Variants in SHANK2 observed in about 807,000 individuals in gnomAD.
The protein encoded by SHANK2 is SH3 and multiple ankyrin repeat domains 2.
A neutral mutation model predicts 133.7 loss-of-function variants in SHANK2; 43 were observed. The ratio of observed to expected loss-of-function variants is 0.32; its 90% confidence interval spans 0.25 to 0.41. The LOEUF is 0.41. SHANK2 is among the 10% of genes least tolerant of loss of function. The pLI is 1.00. For synonymous variants in SHANK2, 1,017 were observed against 952.8 expected, an observed-to-expected ratio of 1.07 and a Z score of -1.24; for missense variants, 1,994 against 2,235.8, an observed-to-expected ratio of 0.89 and a Z score of 2.18.
chr11:71,234,810 T>C (rs1954804345), intron 1 of SHANK2, among the ~76,000 whole-genome samples: 1 of 152,158 alleles, frequency 6.6e-6, no homozygotes, highest in Admixed American at 6.5e-5. Context: ...GTGGTCCTGC[T>C]GCCCCACAGG....
At chr11:70,587,009 A>G (rs1174596628) in intron 17 of SHANK2, among the ~76,000 whole-genome samples, 4 of 152,060 alleles carry the variant, frequency 2.6e-5, no homozygotes, top group South Asian at 2.1e-4. Context: ...ACCGCTGGGC[A>G]CATGCAGGAA....
intron 24 of SHANK2, chr11:70,488,971 A>ACG (rs1555155063): frequency 6.2e-6 from 2 of 320,212 alleles, no homozygotes; most frequent in African/African-American, 4.3e-5. Flanking sequence ...GAAGCGAGAC[A>ACG]CGCACACACA....
Position 70,882,349 on chromosome 11 carries a change from G to C in SHANK2, c.1174+14152C>G, listed in dbSNP as rs1378595028. ...GGAAGGCAGGCAGAAAGGCCCCTGG[G>C]CTGTGCCTGTAGCTAGGAGCTGGGA... On this transcript the variant is annotated intron_variant, in intron 11 of 25. Transcript: ENST00000601538. This position sits in a 1 kb window ranked among gnomAD's most constrained non-coding sequence, Gnocchi z 4.2. 6.6e-6 allele frequency among the ~76,000 whole-genome samples: 1 copy of C among 152,200 alleles called. No individual in the cohort carries two copies. The highest frequency in any genetic ancestry group is 6.5e-5 in the Admixed American group (1 of 15,288).
chr11:71,086,108 TTA>T lies in SHANK2; in HGVS notation c.912+6312_912+6313del, dbSNP rs1307993628. Reference sequence around the variant, plus strand: ...ATAATATATTAAATTATATAATATATTATGTTATATAATATATTAAATTATAT... The same window carrying T: ...ATAATATATTAAATTATATAATATATTGTTATATAATATATTAAATTATAT... On this transcript the variant is annotated intron_variant, in intron 8 of 25. Transcript: ENST00000601538. Among the ~76,000 whole-genome samples, 12 of 48,010 alleles carry T rather than the reference TTA, an allele frequency of 2.5e-4. 3 individuals carry two copies. The Admixed American group carries it at 2.9e-3, about 11-fold the overall frequency. The allele number at this position is 48,010 out of a possible 152,430, so 31.5% of individuals were successfully genotyped here.
rs936039224 is a variant in SHANK2 at position 70,569,575 on chromosome 11, C to A, written c.2062-66644G>T. Among the ~76,000 whole-genome samples, 1 of 152,156 alleles carries A rather than the reference C, an allele frequency of 6.6e-6. No individual in the cohort carries two copies. The highest frequency in any genetic ancestry group is 1.5e-5 in the Non-Finnish European group (1 of 68,026). On this transcript the variant is annotated intron_variant, in intron 17 of 25. Transcript: ENST00000601538. The surrounding 1 kb of genome is among the most constrained non-coding windows in gnomAD (Gnocchi z 5.1). ...TGCCGCAGCCCTCTCCTTTCTGTGG[C>A]CCCTCCCCACGTGGAGGATACCGAG...
intron 11 of SHANK2, among the ~76,000 whole-genome samples, chr11:70,872,702 C>T (rs1949489292): frequency 6.6e-6 from 1 of 152,108 alleles, no homozygotes; most frequent in Non-Finnish European, 1.5e-5. Context: ...GGTGTATCTC[C>T]TCCACGTTCT....
intron 17 of SHANK2, among the ~76,000 whole-genome samples, chr11:70,525,234 G>A (rs2059381046): frequency 6.6e-6 from 1 of 152,206 alleles, no homozygotes; most frequent in Non-Finnish European, 1.5e-5. Flanking sequence ...CTCTTCTTCT[G>A]GGAAACACCT....
chr11:70,661,676 T>A lies in SHANK2; in HGVS notation c.1856A>T (p.Asp619Val). The change falls in exon 16 of 26, where the codon GAC becomes GTC. Residue 619 changes from aspartate to valine, a missense_variant and splice_region_variant. Coordinates refer to ENST00000601538, the MANE Select transcript of SHANK2 (RefSeq NM_012309.5). ...GSYDSFDTSSDCIIEEKTVVL... is the reference protein window; with the variant it reads ...GSYDSFDTSSVCIIEEKTVVL... The stretch of plus-strand genomic sequence containing the variant: ...CACCGTCTTCTCCTCAATAATGCAG[T>A]CACTGTAGAGAGAATTCCGGGGACA... 1 of 1,614,080 alleles carries A rather than the reference T, an allele frequency of 6.2e-7. No homozygotes were observed. The highest frequency in any genetic ancestry group is 2.2e-5 in the East Asian group (1 of 44,866).
chr11:70,867,680 C>T (rs1397183827), intron 11 of SHANK2, among the ~76,000 whole-genome samples: 7 of 152,212 alleles, frequency 4.6e-5, no homozygotes, highest in Non-Finnish European at 1.0e-4. Context: ...CAGACATCCA[C>T]GTCTCACCCC....
intron 2 of SHANK2, among the ~76,000 whole-genome samples, chr11:71,189,466 G>T (rs993191701): frequency 6.6e-6 from 1 of 152,082 alleles, no homozygotes; most frequent in East Asian, 1.9e-4. Flanking sequence ...ACACAATCAC[G>T]GCTCGCTGCA....
chr11:71,213,502 T>C (rs555708021), intron 2 of SHANK2, among the ~76,000 whole-genome samples: 124 of 152,296 alleles, frequency 8.1e-4, no homozygotes, highest in African/African-American at 2.9e-3. Flanking sequence ...AAACAGAGGT[T>C]CAAACACCAC....
intron 3 of SHANK2, among the ~76,000 whole-genome samples, chr11:71,136,475 C>T (rs1272206852): frequency 9.9e-5 from 15 of 152,256 alleles, no homozygotes; most frequent in African/African-American, 3.6e-4. Context: ...ATGATGGACA[C>T]AGGAGACTCA....
chr11:70,481,966 C>T lies in SHANK2; in HGVS notation c.4979+3348G>A, dbSNP rs1049632641. ...GTGCCCTGGCAACTCCGTCCTGGAC[C>T]CCCCCCCAGTGGTGGTTCTGACTGC... On this transcript the variant is annotated intron_variant, in intron 25 of 25. Coordinates refer to ENST00000601538, the MANE Select transcript of SHANK2 (RefSeq NM_012309.5). Among the ~76,000 whole-genome samples, 4 of 606 alleles carry T rather than the reference C, an allele frequency of 6.6e-3. No homozygotes were observed. In the Non-Finnish European group the frequency reaches 0.095, roughly 14 times the overall value. 0.4% of individuals were successfully genotyped at this position (606 alleles called of 152,430 possible).
intron 11 of SHANK2, among the ~76,000 whole-genome samples, chr11:70,838,227 C>T (rs560004717): frequency 8.5e-5 from 13 of 152,180 alleles, no homozygotes; most frequent in East Asian, 7.7e-4. Flanking sequence ...CAGAAGACCC[C>T]GCACAAAGTG....
At chr11:70,610,697 G>T (rs549282022) in intron 17 of SHANK2, among the ~76,000 whole-genome samples, 1 of 152,332 alleles carries the variant, frequency 6.6e-6, no homozygotes, top group East Asian at 1.9e-4. Context: ...CCGTGGGGCA[G>T]CCGGCACAAT....
At chr11:71,247,865 C>T (rs1555125244) in intron 1 of SHANK2, among the ~76,000 whole-genome samples, 1 of 152,210 alleles carries the variant, frequency 6.6e-6, no homozygotes, top group East Asian at 1.9e-4. Flanking sequence ...AAAACACTGT[C>T]CCCAGTCGTG....
intron 2 of SHANK2, among the ~76,000 whole-genome samples, chr11:71,181,156 G>A (rs1953547724): frequency 6.6e-6 from 1 of 152,082 alleles, no homozygotes; most frequent in Non-Finnish European, 1.5e-5. Context: ...GCACAGAAGT[G>A]CAAGAAGGCC....
chr11:70,487,707 T>C lies in SHANK2; in HGVS notation c.2586A>G (p.Glu862=), dbSNP rs1555154693. The change falls in exon 25 of 26, where the codon GAA becomes GAG. Residue 862 remains glutamate (E), a synonymous_variant. Transcript: ENST00000601538. The surrounding 1 kb of genome is among the most constrained non-coding windows in gnomAD (Gnocchi z 5.8). ...SRIFLSGITE[E]ERQFLAPPML... is the part of the protein sequence containing the mutation. ...TTGGAGGAGCCAGAAACTGCCGCTCTTCCTCTGTTATTCCTACAAGCAGAA... is the reference window on the plus strand; with the variant it reads ...TTGGAGGAGCCAGAAACTGCCGCTCCTCCTCTGTTATTCCTACAAGCAGAA... 1 of 1,562,526 alleles carries C rather than the reference T, an allele frequency of 6.4e-7. No individual in the cohort carries two copies. The highest frequency in any genetic ancestry group is 8.7e-7 in the Non-Finnish European group (1 of 1,153,246).
rs910893503 is a variant in SHANK2 at position 71,166,451 on chromosome 11, G to A, written c.-12-19113C>T. Among the ~76,000 whole-genome samples the A allele has an allele frequency of 6.0e-5, 9 of 149,942 alleles. 1 individual carries two copies. The highest frequency in any genetic ancestry group is 2.2e-4 in the African/African-American group (9 of 40,638). On this transcript the variant is annotated intron_variant, in intron 2 of 25. Transcript: ENST00000601538. ...GTATTACAAGACATGACTTTTCTTGGTTTACCTTCCAATCCACACGTCTTT... is the reference window on the plus strand; with the variant it reads ...GTATTACAAGACATGACTTTTCTTGATTTACCTTCCAATCCACACGTCTTT...
Sources: gnomAD v4.1 joint callset for allele counts (sites outside exome capture counted in the v4.1 genomes callset) on GRCh38, gnomAD v4.1.1 for gene constraint, Gnocchi (gnomAD v3.1) non-coding constraint, MANE v1.5 for transcripts, NCBI Gene and HGNC (gene_info 2026-07-23, HGNC 2026-07-21) for gene names.